The following DDX10 variants were observed in gnomAD, a reference collection of about 807,000 sequenced individuals.
The protein encoded by DDX10 is probable ATP-dependent RNA helicase DDX10.
In DDX10, 74 loss-of-function variants were observed where a neutral mutation model predicts 104.3. That is an observed-to-expected ratio of 0.71 (90% CI 0.59 to 0.86). The LOEUF is 0.86. DDX10 is among the 40% of genes least tolerant of loss of function. The pLI is 0.00. For synonymous variants in DDX10, 351 were observed against 353.4 expected, an observed-to-expected ratio of 0.99 and a Z score of 0.08; for missense variants, 952 against 1,040.0, an observed-to-expected ratio of 0.92 and a Z score of 1.16.
At chr11:108,744,776 G>A (rs2094329335) in intron 13 of DDX10, among the ~76,000 whole-genome samples, 1 of 152,182 alleles carries the variant, frequency 6.6e-6, no homozygotes. Context: ...GAAAGACAAT[G>A]TAAACTATTT....
intron 13 of DDX10, among the ~76,000 whole-genome samples, chr11:108,769,940 T>TA (rs1022970942): frequency 6.6e-6 from 1 of 152,028 alleles, no homozygotes; most frequent in South Asian, 2.1e-4. Flanking sequence ...TGTCTCAAAA[T>TA]AAAAAAAATT....
At chr11:108,800,750 T>A (rs1464495648) in intron 13 of DDX10, among the ~76,000 whole-genome samples, 1 of 152,368 alleles carries the variant, frequency 6.6e-6, no homozygotes, top group East Asian at 1.9e-4. Flanking sequence ...TTGAACAATT[T>A]ATTTGAATAG....
chr11:108,886,908 AT>A (rs1863303490), intron 16 of DDX10, among the ~76,000 whole-genome samples: 1 of 152,224 alleles, frequency 6.6e-6, no homozygotes, highest in Admixed American at 6.5e-5. Context: ...TATTCTGGAC[AT>A]TTGTAGGTTA....
rs1423787477 is a variant in DDX10, at chr11:108,940,512, G to A, written c.*89G>A. On this transcript the variant is annotated 3_prime_UTR_variant, in exon 18 of 18. Coordinates refer to ENST00000322536, the MANE Select transcript of DDX10 (RefSeq NM_004398.4). ...AAACAGTTGATTTGGGGGCACTTAG[G>A]TACCATATGCCCCATTCCCAAAGGG... 7.4e-7 allele frequency: 1 copy of A among 1,352,176 alleles called. No individual in the cohort carries two copies. The highest frequency in any genetic ancestry group is 1.0e-6 in the Non-Finnish European group (1 of 980,114). 83.8% of individuals were successfully genotyped at this position (1,352,176 alleles called of 1,614,324 possible).
intron 13 of DDX10, among the ~76,000 whole-genome samples, chr11:108,796,882 C>T (rs560169511): frequency 4.6e-5 from 7 of 152,266 alleles, no homozygotes; most frequent in South Asian, 2.1e-4. Flanking sequence ...TCTTCTTGCT[C>T]TCTGTTTCGT....
chr11:108,877,716 C>T (rs1008844736), intron 16 of DDX10, among the ~76,000 whole-genome samples: 39 of 152,170 alleles, frequency 2.6e-4, no homozygotes, highest in Admixed American at 1.3e-3. Context: ...ATACAGACTT[C>T]ACTATGGGAA....
intron 15 of DDX10, among the ~76,000 whole-genome samples, chr11:108,848,481 T>C (rs1005658616): frequency 6.6e-6 from 1 of 152,166 alleles, no homozygotes; most frequent in African/African-American, 2.4e-5. Context: ...TTTTTCCTTC[T>C]AGTTTCAGCC....
intron 1 of DDX10, 26 bp from the exon 2 acceptor site, chr11:108,673,441 C>T (rs1203469099): frequency 1.3e-6 from 2 of 1,490,362 alleles, no homozygotes; most frequent in Non-Finnish European, 1.9e-6. Context: ...AATGAGTTAC[C>T]CTGATTCCTT....
Position 108,810,511 on chromosome 11 carries a change from C to T in DDX10, c.1966-27935C>T, listed in dbSNP as rs891563370. On this transcript the variant is annotated intron_variant, in intron 13 of 17. Transcript: ENST00000322536. ...TGTGTGTGTGAGAGAGAGAAAGATG[C>T]GGGGAAGAGGTTGACAAGTAGTGAC... Among the ~76,000 whole-genome samples the T allele has an allele frequency of 7.2e-5, 11 of 151,964 alleles. No homozygotes were observed. The East Asian group carries it at 1.9e-3, about 27-fold the overall frequency.
intron 17 of DDX10, chr11:108,929,643 AAATTCTCATAAG>A: frequency 6.6e-6 from 1 of 152,332 alleles, no homozygotes; most frequent in East Asian, 1.9e-4. Context: ...GCCAGCATTG[AAATTCTCATAAG>A]AACAGAAAAG....
At chr11:108,712,548 G>A (rs185449189) in intron 10 of DDX10, among the ~76,000 whole-genome samples, 1 of 151,960 alleles carries the variant, frequency 6.6e-6, no homozygotes, top group East Asian at 1.9e-4. Flanking sequence ...GCACTTCACA[G>A]GTAGTGTGAG....
intron 16 of DDX10, among the ~76,000 whole-genome samples, chr11:108,915,720 T>C (rs1339384037): frequency 6.6e-6 from 1 of 152,134 alleles, no homozygotes; most frequent in Non-Finnish European, 1.5e-5. Flanking sequence ...ACAACTAGTT[T>C]TTAAGAAGCT....
chr11:108,913,801 A>G (rs572848995), intron 16 of DDX10, among the ~76,000 whole-genome samples: 1 of 152,364 alleles, frequency 6.6e-6, no homozygotes, highest in South Asian at 2.1e-4. Flanking sequence ...CTAAAAAGAC[A>G]TAGTACTTCA....
At chr11:108,680,616 T>C (rs1000511100) in intron 6 of DDX10, among the ~76,000 whole-genome samples, 70 of 152,234 alleles carry the variant, frequency 4.6e-4, no homozygotes, top group African/African-American at 1.4e-3. Context: ...TTCCAGTAAA[T>C]ATAAAGTTGG....
chr11:108,820,282 T>C (rs1862308905), intron 13 of DDX10, among the ~76,000 whole-genome samples: 1 of 152,162 alleles, frequency 6.6e-6, no homozygotes, highest in South Asian at 2.1e-4. Context: ...TTGGCACTTG[T>C]CATCAGAGAT....
chr11:108,725,972 G>A (rs982106760), intron 13 of DDX10, among the ~76,000 whole-genome samples: 1 of 151,880 alleles, frequency 6.6e-6, no homozygotes, highest in Non-Finnish European at 1.5e-5. Flanking sequence ...CTAAGTAAGG[G>A]TCAAGGTACA....
intron 16 of DDX10, among the ~76,000 whole-genome samples, chr11:108,910,831 T>C (rs1863666158): frequency 6.7e-6 from 1 of 149,322 alleles, no homozygotes; most frequent in Admixed American, 6.7e-5. Flanking sequence ...ATGAGGATGA[T>C]AGGGGGTTCT....
chr11:108,731,865 A>T (rs1815068616), intron 13 of DDX10, among the ~76,000 whole-genome samples: 1 of 152,180 alleles, frequency 6.6e-6, no homozygotes, highest in Admixed American at 6.5e-5. Context: ...TATCATTTGC[A>T]CATATAAATG....
At chr11:108,723,672 A>G (rs1173678961) in intron 13 of DDX10, among the ~76,000 whole-genome samples, 2 of 152,142 alleles carry the variant, frequency 1.3e-5, no homozygotes, top group Non-Finnish European at 2.9e-5. Context: ...CTAAGAGGTT[A>G]ACAACTTTAA....
Sources: allele counts gnomAD v4.1 joint callset (sites outside exome capture counted in the v4.1 genomes callset), GRCh38; gene constraint gnomAD v4.1.1; transcripts MANE v1.5; gene names NCBI Gene and HGNC (gene_info 2026-07-23, HGNC 2026-07-21).